Variants in NGLY1 observed in about 807,000 individuals in gnomAD.
NGLY1 encodes peptide-N(4)-(N-acetyl-beta-glucosaminyl)asparagine amidase.
NGLY1 carries 68 observed loss-of-function variants against 84.6 expected under a neutral mutation model. The ratio of observed to expected loss-of-function variants is 0.80; its 90% CI spans 0.66 to 0.98. The LOEUF (loss-of-function observed/expected upper bound fraction) is 0.98. Among genes scored for constraint, NGLY1 ranks in the 50% least tolerant of loss-of-function variants. The pLI, the probability that NGLY1 is intolerant of heterozygous loss-of-function variation, is 0.00. For synonymous variants in NGLY1, 280 were observed against 275.2 expected (o/e 1.02, Z -0.17); for missense variants, 779 against 770.2 (o/e 1.01, Z -0.14).
intron 4 of NGLY1, among the ~76,000 whole-genome samples, chr3:25,746,046 T>C (rs537832283): frequency 6.6e-6 from 1 of 152,192 alleles, no homozygotes; most frequent in Non-Finnish European, 1.5e-5. Flanking sequence ...TTTGAAAACA[T>C]TAAAAATGAA....
chr3:25,744,660 C>T (rs1369739760), intron 4 of NGLY1, among the ~76,000 whole-genome samples: 1 of 152,230 alleles, frequency 6.6e-6, no homozygotes, highest in African/African-American at 2.4e-5. Context: ...AGTTAAAAAA[C>T]TACAGATCCC....
chr3:25,724,668 T>C (rs772647990), intron 10 of NGLY1, among the ~76,000 whole-genome samples: 1 of 152,160 alleles, frequency 6.6e-6, no homozygotes, highest in Non-Finnish European at 1.5e-5. Flanking sequence ...CCATATTCTC[T>C]ACTTCTCACT....
At chr3:25,758,212 C>G (rs995355031) in intron 3 of NGLY1, among the ~76,000 whole-genome samples, 1 of 151,972 alleles carries the variant, frequency 6.6e-6, no homozygotes, top group Non-Finnish European at 1.5e-5. Context: ...TAACAAAGCC[C>G]CTTAAATTCA....
Position 25,783,311 on chromosome 3 carries a change from G to C in NGLY1, c.80C>G (p.Thr27Ser). 4 of 1,605,896 alleles carry C rather than the reference G, an allele frequency of 2.5e-6. No individual in the cohort carries two copies. Among genetic ancestry groups the C allele is most frequent in the Non-Finnish European group, 3.4e-6 (4 of 1,176,932 alleles). The stretch of plus-strand genomic sequence containing the variant: ...CAGCAGCTTGGAGGCCTCCAAAAAG[G>C]TCTCCGGGGTGTTCTGGCAGAGCTC... The part of the protein sequence containing the change: ...VAELCQNTPE[T>S]FLEASKLLLT... Residue 27 changes from threonine to serine, a missense_variant, in exon 1 of 12, where the codon ACC becomes AGC. Transcript: ENST00000280700. The surrounding 1 kb of genome is among the most constrained non-coding windows in gnomAD (Gnocchi z 4.5).
chr3:25,736,453 T>G, intron 6 of NGLY1: 1 of 1,434,728 alleles, frequency 7.0e-7, no homozygotes, highest in Non-Finnish European at 9.6e-7. Context: ...ATCCTGAGTT[T>G]ACTATCATGA....
At chr3:25,768,703 G>A (rs1180878945) in intron 2 of NGLY1, among the ~76,000 whole-genome samples, 4 of 150,482 alleles carry the variant, frequency 2.7e-5, no homozygotes, top group South Asian at 2.1e-4. Flanking sequence ...CCGCCACCAC[G>A]CCCGGCTAAT....
At chr3:25,736,494 C>G in intron 6 of NGLY1, 1 of 930,810 alleles carries the variant, frequency 1.1e-6, no homozygotes, top group South Asian at 1.6e-5. Flanking sequence ...AAACTACAGT[C>G]TCTCTCTCTG....
At chr3:25,770,060 C>T (rs753200988) in intron 2 of NGLY1, among the ~76,000 whole-genome samples, 2 of 152,156 alleles carry the variant, frequency 1.3e-5, no homozygotes. Flanking sequence ...TCCTGAGTTA[C>T]CTCACTTAGA....
chr3:25,780,775 C>T (rs748278814), intron 1 of NGLY1, among the ~76,000 whole-genome samples: 1 of 151,912 alleles, frequency 6.6e-6, no homozygotes, highest in Non-Finnish European at 1.5e-5. Flanking sequence ...TGAGCCACCA[C>T]GCCTGGCTAT....
chr3:25,721,065 C>T (rs1428335060), intron 10 of NGLY1, among the ~76,000 whole-genome samples: 2 of 152,184 alleles, frequency 1.3e-5, no homozygotes, highest in Non-Finnish European at 1.5e-5. Flanking sequence ...TTGTACAATT[C>T]CAATTGCTCT....
At chr3:25,787,265 T>C (rs1014899035), upstream of NGLY1, among the ~76,000 whole-genome samples, 12 of 152,082 alleles carry the variant, frequency 7.9e-5, no homozygotes, top group African/African-American at 2.9e-4. Flanking sequence ...ACTTGCTACC[T>C]GTGAGAGACT....
At chr3:25,766,607 T>G (rs1339546658) in intron 2 of NGLY1, among the ~76,000 whole-genome samples, 2 of 152,214 alleles carry the variant, frequency 1.3e-5, no homozygotes, top group African/African-American at 2.4e-5. Flanking sequence ...CAACGACTTT[T>G]TCAACCTTAG....
chr3:25,746,537 A>G (rs900973578), intron 4 of NGLY1, among the ~76,000 whole-genome samples: 6 of 152,240 alleles, frequency 3.9e-5, no homozygotes, highest in African/African-American at 1.4e-4. Context: ...AGCAAATGTT[A>G]GCAGGGAACA....
intron 4 of NGLY1, 110 bp downstream of exon 4, chr3:25,750,988 A>C: frequency 9.6e-7 from 1 of 1,040,990 alleles, no homozygotes. Context: ...ATATAAGTGG[A>C]CCCATGCAGT....
At chr3:25,734,191 G>A (rs1705699836) in intron 7 of NGLY1, 1 of 500,064 alleles carries the variant, frequency 2.0e-6, no homozygotes, top group Non-Finnish European at 3.4e-6. Flanking sequence ...TCAGCCTCCT[G>A]AGTAGCTGGG....
At chr3:25,723,683 T>G (rs1705117998) in intron 10 of NGLY1, among the ~76,000 whole-genome samples, 1 of 152,212 alleles carries the variant, frequency 6.6e-6, no homozygotes, top group South Asian at 2.1e-4. Context: ...AAATTTTTTT[T>G]ACAACTGTTG....
chr3:25,782,063 G>A (rs1708443736), intron 1 of NGLY1, among the ~76,000 whole-genome samples: 2 of 152,188 alleles, frequency 1.3e-5, no homozygotes, highest in Admixed American at 1.3e-4. Context: ...TCCCCACACA[G>A]GTCACAATTA....
At chr3:25,748,308 C>T (rs936446970) in intron 4 of NGLY1, among the ~76,000 whole-genome samples, 5 of 152,074 alleles carry the variant, frequency 3.3e-5, no homozygotes, top group African/African-American at 9.7e-5. Flanking sequence ...TACAACTAAA[C>T]GAACACCAAG....
chr3:25,760,690 T>A (rs1707270352), intron 3 of NGLY1, among the ~76,000 whole-genome samples: 1 of 151,736 alleles, frequency 6.6e-6, no homozygotes, highest in African/African-American at 2.4e-5. Context: ...AGAAACCCCG[T>A]CTCTACTAAA....
Sources: gnomAD v4.1 joint callset for allele counts (sites outside exome capture counted in the v4.1 genomes callset) on GRCh38, gnomAD v4.1.1 for gene constraint, Gnocchi (gnomAD v3.1) non-coding constraint, MANE v1.5 for transcripts, NCBI Gene and HGNC (gene_info 2026-07-23, HGNC 2026-07-21) for gene names.